The following CNTNAP5 variants were observed in gnomAD, a reference collection of about 807,000 sequenced individuals.
CNTNAP5 encodes contactin associated protein family member 5.
A neutral mutation model predicts 150.2 loss-of-function variants in CNTNAP5; 72 were observed. The ratio of observed to expected loss-of-function variants is 0.48; its 90% CI spans 0.40 to 0.58. CNTNAP5 has a LOEUF of 0.58. Among genes scored for constraint, CNTNAP5 ranks in the 20% least tolerant of loss-of-function variants. CNTNAP5 has a pLI of 0.00. For missense variants in CNTNAP5, 1,636 were observed against 1,626.2 expected (o/e 1.01, Z -0.10); for synonymous variants, 672 against 619.8 (o/e 1.08, Z -1.25).
intron 19 of CNTNAP5, among the ~76,000 whole-genome samples, chr2:124,843,162 T>C (rs1414545009): frequency 6.6e-6 from 1 of 152,158 alleles, no homozygotes; most frequent in Admixed American, 6.6e-5. Context: ...TGTTTGGTTT[T>C]TCATTCCAGA....
intron 12 of CNTNAP5, among the ~76,000 whole-genome samples, chr2:124,614,384 G>A (rs999414375): frequency 2.0e-5 from 3 of 152,160 alleles, no homozygotes; most frequent in Non-Finnish European, 2.9e-5. Flanking sequence ...GTTAAAGCAA[G>A]TTTATTAAGA....
At chr2:124,817,779 A>G (rs1430632672) in intron 19 of CNTNAP5, among the ~76,000 whole-genome samples, 1 of 152,152 alleles carries the variant, frequency 6.6e-6, no homozygotes, top group Non-Finnish European at 1.5e-5. Flanking sequence ...TACTCTACTA[A>G]TTTGGCAACA....
At chr2:124,046,433 G>GAGAA (rs376445841) in intron 1 of CNTNAP5, among the ~76,000 whole-genome samples, 1,971 of 134,582 alleles carry the variant, frequency 0.015, 49 homozygotes, top group Middle Eastern at 0.034. Flanking sequence ...ACAAAAGAGA[G>GAGAA]AAAAAAAAAA....
chr2:124,336,672 G>T (rs1291850172), intron 3 of CNTNAP5, among the ~76,000 whole-genome samples: 1 of 151,540 alleles, frequency 6.6e-6, no homozygotes, highest in African/African-American at 2.4e-5. Flanking sequence ...ATGGTTTCCA[G>T]CTTCATCCAT....
intron 10 of CNTNAP5, among the ~76,000 whole-genome samples, chr2:124,560,850 A>G (rs995143872): frequency 6.6e-6 from 1 of 151,870 alleles, no homozygotes; most frequent in Non-Finnish European, 1.5e-5. Flanking sequence ...TCTCTCTTTC[A>G]CTGCAGACAA....
At chr2:124,349,287 T>C (rs1169122858) in intron 3 of CNTNAP5, among the ~76,000 whole-genome samples, 1 of 152,202 alleles carries the variant, frequency 6.6e-6, no homozygotes, top group Non-Finnish European at 1.5e-5. Context: ...CTAAATACTA[T>C]AGACAATTGC....
Position 124,707,039 on chromosome 2 carries a change from A to AAGAAGG in CNTNAP5, c.2078-40188_2078-40187insAAGGAG, listed in dbSNP as rs1553433616. Among the ~76,000 whole-genome samples, 99 of 82,008 alleles carry AAGAAGG rather than the reference A, an allele frequency of 1.2e-3. 12 individuals carry two copies. Among genetic ancestry groups the AAGAAGG allele is most frequent in the African/African-American group, 2.7e-3 (68 of 24,910 alleles). The allele number at this position is 82,008 out of a possible 152,430, so 53.8% of individuals were successfully genotyped here. Reference sequence around the variant, plus strand: ...GGAGGAGAAGAAGAAGAAGAAGAAGAAGGAGGAGGAGGAGGAGGAGGAGAG... The same window carrying AAGAAGG: ...GGAGGAGAAGAAGAAGAAGAAGAAGAAGAAGGAGGAGGAGGAGGAGGAGGAGGAGAG... On this transcript the variant is annotated intron_variant, in intron 13 of 23. Coordinates refer to ENST00000682447, the MANE Select transcript of CNTNAP5 (RefSeq NM_001367498.1).
chr2:124,147,054 T>C (rs917253984), intron 1 of CNTNAP5, among the ~76,000 whole-genome samples: 4 of 152,130 alleles, frequency 2.6e-5, no homozygotes, highest in African/African-American at 9.7e-5. Context: ...TGATGCTTTC[T>C]CGAAGTAATC....
intron 18 of CNTNAP5, among the ~76,000 whole-genome samples, 154 bp from the exon 19 acceptor site, chr2:124,797,942 C>A (rs1475298486): frequency 6.6e-6 from 1 of 152,162 alleles, no homozygotes; most frequent in African/African-American, 2.4e-5. Context: ...GTGACTTCTG[C>A]CACTTCAAAA....
chr2:124,423,326 T>A (rs2901269), intron 4 of CNTNAP5, among the ~76,000 whole-genome samples: 44,783 of 151,830 alleles, frequency 0.29, 7,606 homozygotes, highest in East Asian at 0.51. Context: ...TTCCCTATAT[T>A]TTTTTTTCCC....
At chr2:124,182,624 A>G (rs1403379260) in intron 1 of CNTNAP5, among the ~76,000 whole-genome samples, 1 of 152,246 alleles carries the variant, frequency 6.6e-6, no homozygotes. Flanking sequence ...ATGAGACTGT[A>G]TGTTTCTATT....
intron 13 of CNTNAP5, among the ~76,000 whole-genome samples, chr2:124,671,419 C>A (rs1678821542): frequency 6.6e-6 from 1 of 152,130 alleles, no homozygotes; most frequent in South Asian, 2.1e-4. Context: ...GTTTTCTCAC[C>A]TGTAAAATGG....
intron 19 of CNTNAP5, among the ~76,000 whole-genome samples, chr2:124,828,698 A>G (rs542414795): frequency 7.6e-6 from 1 of 132,278 alleles, no homozygotes; most frequent in Non-Finnish European, 1.6e-5. Context: ...TTTACCAAGG[A>G]CCTACTATAT....
At chr2:124,764,945 G>A (rs969474247) in intron 16 of CNTNAP5, among the ~76,000 whole-genome samples, 1 of 152,110 alleles carries the variant, frequency 6.6e-6, no homozygotes, top group African/African-American at 2.4e-5. Context: ...TCTACTTCTC[G>A]AAATTTGACA....
chr2:124,658,258 G>A (rs953103477), intron 13 of CNTNAP5, among the ~76,000 whole-genome samples: 1 of 152,086 alleles, frequency 6.6e-6, no homozygotes, highest in Non-Finnish European at 1.5e-5. Flanking sequence ...GCTGCCCTCT[G>A]ACTCCCAGCT....
chr2:124,567,129 G>T (rs774003253), intron 11 of CNTNAP5, among the ~76,000 whole-genome samples: 2 of 152,154 alleles, frequency 1.3e-5, no homozygotes, highest in Non-Finnish European at 2.9e-5. Context: ...TAGTAAATGT[G>T]AAGCAAGAGG....
At chr2:124,839,571 T>G (rs1219303513) in intron 19 of CNTNAP5, among the ~76,000 whole-genome samples, 1 of 152,072 alleles carries the variant, frequency 6.6e-6, no homozygotes, top group African/African-American at 2.4e-5. Flanking sequence ...CCTCCAATCC[T>G]TCTTTACCCT....
intron 13 of CNTNAP5, among the ~76,000 whole-genome samples, chr2:124,723,176 C>T (rs930942427): frequency 6.6e-6 from 1 of 152,134 alleles, no homozygotes; most frequent in Non-Finnish European, 1.5e-5. Context: ...TGACATTTTT[C>T]TATAAACAGT....
intron 1 of CNTNAP5, among the ~76,000 whole-genome samples, chr2:124,090,123 CA>C (rs1682781027): frequency 6.6e-6 from 1 of 152,094 alleles, no homozygotes; most frequent in Admixed American, 6.5e-5. Context: ...GTAAAATCAG[CA>C]AAAATATCCT....
Sources: allele counts gnomAD v4.1 joint callset (sites outside exome capture counted in the v4.1 genomes callset), GRCh38; gene constraint gnomAD v4.1.1; transcripts MANE v1.5; gene names NCBI Gene and HGNC (gene_info 2026-07-23, HGNC 2026-07-21).